The following ZNF138 variants were observed in gnomAD, a reference collection of about 807,000 sequenced individuals.
ZNF138 encodes the protein zinc finger protein 138, also known as zinc finger protein 138 (clone pHZ-32).
In ZNF138, 33 loss-of-function variants were observed where a neutral mutation model predicts 33.0. The observed-to-expected ratio is 1.00, with a 90% CI of 0.76 to 1.34. ZNF138 has a LOEUF of 1.34. Ranked by LOEUF, ZNF138 falls within the 40% of genes most tolerant of loss-of-function variation. The pLI is 0.00. For missense variants in ZNF138, 360 were observed against 370.8 expected, an observed-to-expected ratio of 0.97 and a Z score of 0.24; for synonymous variants, 139 against 120.4, an observed-to-expected ratio of 1.15 and a Z score of -1.01.
Position 64,816,426 on chromosome 7 carries a change from C to T in ZNF138, c.208+773C>T, listed in dbSNP as rs943700233. On this transcript the variant is annotated intron_variant, in intron 3 of 3. Transcript: ENST00000307355. Reference sequence around the variant, plus strand: ...TTTTACCTCTTTGGTTAAATTTGTTCTCAGAAGTTTATTATTGTAATGCTA... The same window carrying T: ...TTTTACCTCTTTGGTTAAATTTGTTTTCAGAAGTTTATTATTGTAATGCTA... Among the ~76,000 whole-genome samples the T allele has an allele frequency of 5.3e-5, 8 of 151,114 alleles. No individual in the cohort carries two copies. In the East Asian group the frequency reaches 5.8e-4, roughly 11 times the overall value.
chr7:64,828,693 T>TTA (rs995987475), intron 3 of ZNF138, among the ~76,000 whole-genome samples: 3 of 152,166 alleles, frequency 2.0e-5, no homozygotes, highest in African/African-American at 7.2e-5. Flanking sequence ...AGTCTACTTT[T>TTA]TAACATTTGT....
the ZNF138 span, chr7:64,852,432 TG>T: frequency 6.4e-7 from 1 of 1,569,932 alleles, no homozygotes; most frequent in Non-Finnish European, 8.7e-7. Context: ...ACATTTTGAG[TG>T]GCCACTTGTG....
chr7:64,810,130 G>A (rs1228140342), intron 1 of ZNF138, among the ~76,000 whole-genome samples: 8 of 63,936 alleles, frequency 1.3e-4, no homozygotes, highest in South Asian at 1.3e-3. Context: ...AGGTTGTAGC[G>A]AGCCCAGATC....
downstream of ZNF138, among the ~76,000 whole-genome samples, chr7:64,834,642 A>G (rs1460710100): frequency 6.6e-6 from 1 of 152,154 alleles, no homozygotes; most frequent in African/African-American, 2.4e-5. Context: ...AAGGTATGAG[A>G]GATTCTTTTT....
At chr7:64,814,320 C>T (rs1237444618) in intron 1 of ZNF138, among the ~76,000 whole-genome samples, 4 of 150,212 alleles carry the variant, frequency 2.7e-5, no homozygotes, top group Non-Finnish European at 5.9e-5. Context: ...GTATGATGCA[C>T]ATATAGCACT....
At chr7:64,802,556 C>T (rs1488821391) in intron 1 of ZNF138, among the ~76,000 whole-genome samples, 2 of 151,640 alleles carry the variant, frequency 1.3e-5, no homozygotes, top group African/African-American at 4.8e-5. Context: ...AATGTTACGC[C>T]AGAGTCAGAT....
At chr7:64,845,486 T>G in the ZNF138 span, among the ~76,000 whole-genome samples, 1 of 152,328 alleles carries the variant, frequency 6.6e-6, no homozygotes, top group South Asian at 2.1e-4. Flanking sequence ...CTTTAGTTCT[T>G]TAAGGAATCT....
chr7:64,824,482 ATGT>A (rs1789413530), intron 3 of ZNF138, among the ~76,000 whole-genome samples: 1 of 152,124 alleles, frequency 6.6e-6, no homozygotes, highest in Admixed American at 6.5e-5. Context: ...ATAGTCTATA[ATGT>A]TGTCTAAGTT....
chr7:64,832,183 A>G lies in ZNF138; in HGVS notation c.941A>G (p.Lys314Arg). 6.2e-7 allele frequency: 1 copy of G among 1,608,698 alleles called. No homozygotes were observed. The highest frequency in any genetic ancestry group is 8.5e-7 in the Non-Finnish European group (1 of 1,178,494). Residue 314 changes from lysine to arginine, a missense_variant, in exon 4 of 4, where the codon AAA (lysine) becomes AGA (arginine). Coordinates refer to ENST00000307355, the MANE Select transcript of ZNF138 (RefSeq NM_001271639.2). Reference protein sequence around the residue: ...EEPYKCEECGKAFNLS With the variant: ...EEPYKCEECGRAFNLS ...CCATACAAATGTGAGGAATGTGGCAAAGCTTTTAACCTATCTTAACAACTT... is the reference window on the plus strand; with the variant it reads ...CCATACAAATGTGAGGAATGTGGCAGAGCTTTTAACCTATCTTAACAACTT...
chr7:64,832,047 CATAAG>C lies in ZNF138; in HGVS notation c.810_814del (p.Lys270AsnfsTer4), dbSNP rs755268721. Reference sequence around the variant, plus strand: ...TAAACAGTCCTCACACCTTACTAGACATAAGATAATTCATACTGAAGAGAAACCCT... The same window carrying C: ...TAAACAGTCCTCACACCTTACTAGACATAATTCATACTGAAGAGAAACCCT... On this transcript the variant is annotated frameshift_variant, in exon 4 of 4. Transcript: ENST00000307355. LOFTEE classifies it high-confidence loss of function. 7 of 1,613,934 alleles carry C rather than the reference CATAAG, an allele frequency of 4.3e-6. No individual in the cohort carries two copies. The highest frequency in any genetic ancestry group is 2.2e-5 in the South Asian group (2 of 91,080).
chr7:64,858,663 G>A, the ZNF138 span, among the ~76,000 whole-genome samples: 1 of 152,052 alleles, frequency 6.6e-6, no homozygotes, highest in Non-Finnish European at 1.5e-5. Context: ...CCCTGTCGCA[G>A]GCAATCATTA....
intron 1 of ZNF138, among the ~76,000 whole-genome samples, chr7:64,802,409 G>T (rs553737257): frequency 3.9e-5 from 6 of 152,220 alleles, no homozygotes; most frequent in African/African-American, 1.4e-4. Flanking sequence ...ATGTAAGGAA[G>T]GAAAACAAAA....
chr7:64,831,976 G>A lies in ZNF138; in HGVS notation c.734G>A (p.Arg245His), dbSNP rs61737641. 3,874 of 1,612,854 alleles carry A rather than the reference G, an allele frequency of 2.4e-3. 59 individuals carry two copies. In the African/African-American group the frequency reaches 0.039, roughly 16 times the overall value. ...SSILTKHKII[R>H]TGEKPYKCAH... Reference sequence around the variant, plus strand: ...ATCCTTACTAAACATAAGATAATTCGTACTGGAGAAAAACCCTATAAATGT... The same window carrying A: ...ATCCTTACTAAACATAAGATAATTCATACTGGAGAAAAACCCTATAAATGT... The change falls in exon 4 of 4, where the codon CGT (arginine) becomes CAT (histidine). Residue 245 changes from arginine (R) to histidine (H), a missense_variant. By Grantham distance (29) the Arg-to-His change is conservative. Transcript: ENST00000307355.
intron 1 of ZNF138, among the ~76,000 whole-genome samples, chr7:64,802,555 C>T (rs1023689557): frequency 6.6e-6 from 1 of 151,538 alleles, no homozygotes; most frequent in Non-Finnish European, 1.5e-5. Flanking sequence ...TAATGTTACG[C>T]CAGAGTCAGA....
At chr7:64,843,903 C>T in the ZNF138 span, among the ~76,000 whole-genome samples, 15 of 152,142 alleles carry the variant, frequency 9.9e-5, no homozygotes, top group East Asian at 3.9e-4. Flanking sequence ...TGGCTCACTG[C>T]GTCCTTCACC....
intron 1 of ZNF138, among the ~76,000 whole-genome samples, chr7:64,795,529 T>C (rs1786616918): frequency 6.6e-6 from 1 of 152,240 alleles, no homozygotes. Context: ...TGTCCTTTAG[T>C]GTACATTTGA....
At chr7:64,849,260 G>A in the ZNF138 span, among the ~76,000 whole-genome samples, 1 of 152,170 alleles carries the variant, frequency 6.6e-6, no homozygotes, top group Non-Finnish European at 1.5e-5. Flanking sequence ...GGCTGGTACT[G>A]GGGGTTGTCT....
At chr7:64,841,806 G>C in the ZNF138 span, among the ~76,000 whole-genome samples, 1 of 152,090 alleles carries the variant, frequency 6.6e-6, no homozygotes, top group African/African-American at 2.4e-5. Flanking sequence ...CTCAAAAATT[G>C]GTTTTAGTTA....
the ZNF138 span, among the ~76,000 whole-genome samples, chr7:64,842,259 T>C: frequency 2.0e-5 from 3 of 152,184 alleles, no homozygotes; most frequent in Admixed American, 1.3e-4. Context: ...AGACGTGGTT[T>C]CACCATGTTG....
Sources: gnomAD v4.1 joint callset for allele counts (sites outside exome capture counted in the v4.1 genomes callset) on GRCh38, gnomAD v4.1.1 for gene constraint, MANE v1.5 for transcripts, NCBI Gene and HGNC (gene_info 2026-07-23, HGNC 2026-07-21) for gene names.